REDIC1: variants seen among roughly 807,000 people sequenced by gnomAD.
REDIC1 encodes the protein HEI10 Interacting Protein 1.
chr12:39,782,158 C>T, the REDIC1 span, among the ~76,000 whole-genome samples: 1 of 152,122 alleles, frequency 6.6e-6, no homozygotes, highest in African/African-American at 2.4e-5. Context: ...GGAAGTCTTG[C>T]TATGCTTTTA....
chr12:39,775,436 T>A, the REDIC1 span, among the ~76,000 whole-genome samples: 1 of 152,234 alleles, frequency 6.6e-6, no homozygotes, highest in South Asian at 2.1e-4. Context: ...CCTGAAGTTC[T>A]CTGGTCATTG....
chr12:39,826,609 A>T, the REDIC1 span, among the ~76,000 whole-genome samples: 1 of 151,650 alleles, frequency 6.6e-6, no homozygotes, highest in Admixed American at 6.6e-5. Flanking sequence ...TCTGAAAAAA[A>T]ATAAAAAGCA....
At chr12:39,744,786 CAA>C in the REDIC1 span, among the ~76,000 whole-genome samples, 1 of 151,850 alleles carries the variant, frequency 6.6e-6, no homozygotes, top group African/African-American at 2.4e-5. Context: ...AGGTGGAAGA[CAA>C]TAATTGGAAC....
the REDIC1 span, among the ~76,000 whole-genome samples, chr12:39,817,321 G>A: frequency 3.3e-5 from 5 of 152,166 alleles, no homozygotes; most frequent in Non-Finnish European, 5.9e-5. Flanking sequence ...CATTAGACAA[G>A]GTTACACTGC....
chr12:39,797,733 C>CACACACACAT, the REDIC1 span, among the ~76,000 whole-genome samples: 7 of 18,086 alleles, frequency 3.9e-4, no homozygotes, highest in Admixed American at 9.5e-4. Context: ...GGTAAACACA[C>CACACACACAT]ACACACACAC....
At chr12:39,727,578 T>G in the REDIC1 span, among the ~76,000 whole-genome samples, 1 of 151,250 alleles carries the variant, frequency 6.6e-6, no homozygotes, top group Admixed American at 6.6e-5. Context: ...TTTGTCCTTT[T>G]TGCTTAGGGT....
At chr12:39,777,330 T>C in the REDIC1 span, among the ~76,000 whole-genome samples, 2 of 152,296 alleles carry the variant, frequency 1.3e-5, no homozygotes, top group East Asian at 1.9e-4. Flanking sequence ...TCCAGAGTTA[T>C]GATAAATAAA....
At chr12:39,831,040 T>C in the REDIC1 span, among the ~76,000 whole-genome samples, 1 of 152,158 alleles carries the variant, frequency 6.6e-6, no homozygotes, top group Non-Finnish European at 1.5e-5. Context: ...ATAGAATGAG[T>C]TTTCTCCCTG....
chr12:39,839,787 T>G, the REDIC1 span, among the ~76,000 whole-genome samples: 1 of 152,030 alleles, frequency 6.6e-6, no homozygotes, highest in African/African-American at 2.4e-5. Context: ...TTTCCTTTGT[T>G]TCTCTTCTCT....
the REDIC1 span, among the ~76,000 whole-genome samples, chr12:39,895,796 G>A: frequency 7.9e-5 from 5 of 63,604 alleles, no homozygotes; most frequent in South Asian, 4.4e-4. Context: ...GTACACACAT[G>A]TATATGCGTG....
chr12:39,666,762 C>G, the REDIC1 span, among the ~76,000 whole-genome samples: 2 of 152,056 alleles, frequency 1.3e-5, no homozygotes, highest in African/African-American at 4.8e-5. Flanking sequence ...TTGGTCTATT[C>G]AGAGATTCAA....
the REDIC1 span, among the ~76,000 whole-genome samples, chr12:39,895,856 G>A: frequency 0.38 from 38,115 of 99,614 alleles, 17,925 homozygotes; most frequent in East Asian, 0.7. Context: ...ATATGTATAT[G>A]CGTGTATATG....
the REDIC1 span, among the ~76,000 whole-genome samples, chr12:39,729,035 T>C: frequency 6.9e-6 from 1 of 144,258 alleles, no homozygotes; most frequent in African/African-American, 2.7e-5. Flanking sequence ...GTTGTGTCTA[T>C]TTGATTCTTC....
the REDIC1 span, among the ~76,000 whole-genome samples, chr12:39,902,302 G>C: frequency 6.6e-6 from 1 of 151,334 alleles, no homozygotes; most frequent in Non-Finnish European, 1.5e-5. Flanking sequence ...TAACTAACCT[G>C]CACATTGTGC....
At chr12:39,704,068 C>G in the REDIC1 span, among the ~76,000 whole-genome samples, 16 of 152,160 alleles carry the variant, frequency 1.1e-4, no homozygotes, top group Non-Finnish European at 1.2e-4. Flanking sequence ...CCAAAATTGA[C>G]AAATGCGATC....
the REDIC1 span, among the ~76,000 whole-genome samples, chr12:39,704,451 G>A: frequency 9.6e-4 from 146 of 152,274 alleles, 2 homozygotes; most frequent in African/African-American, 3.2e-3. Flanking sequence ...TGGAGAAATA[G>A]GAACACTTTT....
the REDIC1 span, among the ~76,000 whole-genome samples, chr12:39,675,973 C>T: frequency 6.6e-6 from 1 of 152,164 alleles, no homozygotes; most frequent in Non-Finnish European, 1.5e-5. Context: ...CAGATCCTTT[C>T]CACTGAGACA....
At chr12:39,877,173 ATAAAGACACATC>A in the REDIC1 span, among the ~76,000 whole-genome samples, 1 of 152,162 alleles carries the variant, frequency 6.6e-6, no homozygotes. Context: ...TTATGCTGCT[ATAAAGACACATC>A]TAAGACTGGG....
chr12:39,706,318 A>G, the REDIC1 span, among the ~76,000 whole-genome samples: 2 of 152,008 alleles, frequency 1.3e-5, no homozygotes, highest in African/African-American at 4.8e-5. Context: ...AGGACACCAA[A>G]ACATGGAAAG....
Sources: allele counts gnomAD v4.1 joint callset (sites outside exome capture counted in the v4.1 genomes callset), GRCh38; gene constraint gnomAD v4.1.1; transcripts MANE v1.5; gene names NCBI Gene and HGNC (gene_info 2026-07-23, HGNC 2026-07-21).